The following HDAC9 variants were observed in gnomAD, a reference collection of about 807,000 sequenced individuals.
The protein encoded by HDAC9 is histone deacetylase 9, also known as MEF-2 interacting transcription repressor (MITR) protein.
Under a neutral mutation model 139.4 loss-of-function variants are expected in HDAC9, and 41 were observed. The observed-to-expected ratio is 0.29, with a 90% CI of 0.23 to 0.38. The LOEUF is 0.38. Ranked by LOEUF, HDAC9 falls within the 10% of genes least tolerant of loss-of-function variation. The probability of loss-of-function intolerance (pLI) is 1.00; values close to 1 mark genes in which losing one functional copy is unlikely to be tolerated. For synonymous variants in HDAC9, 517 were observed against 476.2 expected (o/e 1.09, Z -1.12); for missense variants, 1,147 against 1,297.0 (o/e 0.88, Z 1.78).
intron 1 of HDAC9, among the ~76,000 whole-genome samples, chr7:18,448,954 A>T (rs1792547901): frequency 6.6e-6 from 1 of 152,130 alleles, no homozygotes; most frequent in South Asian, 2.1e-4. Context: ...TGTCAGAGGA[A>T]TAAGAAAAGC....
At chr7:18,267,187 A>G (rs1251728604) in intron 2 of HDAC9, among the ~76,000 whole-genome samples, 1 of 152,094 alleles carries the variant, frequency 6.6e-6, no homozygotes, top group Non-Finnish European at 1.5e-5. Flanking sequence ...ATTTATTTTA[A>G]TTGACTTTAT....
intron 22 of HDAC9, among the ~76,000 whole-genome samples, chr7:18,879,083 C>G (rs1330923816): frequency 6.6e-6 from 1 of 152,032 alleles, no homozygotes; most frequent in Non-Finnish European, 1.5e-5. Context: ...AATAAAACAC[C>G]TAGGAATACA....
Position 18,732,729 on chromosome 7 carries a change from A to G in HDAC9, c.1909+4972A>G, listed in dbSNP as rs545088880. 2.7e-4 allele frequency among the ~76,000 whole-genome samples: 18 copies of G among 66,334 alleles called. 1 individual carries two copies. The highest frequency in any genetic ancestry group is 7.1e-4 in the African/African-American group (8 of 11,242). 43.5% of individuals were successfully genotyped at this position (66,334 alleles called of 152,430 possible). ...TGTGTGCGTATGTGTACACACACAC[A>G]CGTGTATGTGTGCGTATGTGTACAC... On this transcript the variant is annotated intron_variant, in intron 13 of 25. Transcript: ENST00000686413.
At chr7:18,672,513 A>T (rs1007669843) in intron 12 of HDAC9, among the ~76,000 whole-genome samples, 1 of 151,534 alleles carries the variant, frequency 6.6e-6, no homozygotes, top group African/African-American at 2.4e-5. Context: ...TTTTCTTTTC[A>T]TTTTCTTAAG....
intron 2 of HDAC9, among the ~76,000 whole-genome samples, chr7:18,247,252 A>G (rs1365002403): frequency 6.6e-6 from 1 of 152,024 alleles, no homozygotes; most frequent in African/African-American, 2.4e-5. Context: ...AATGGGGGAA[A>G]TCGCTGAGGG....
chr7:18,655,971 A>C (rs1395736057), intron 11 of HDAC9, among the ~76,000 whole-genome samples: 1 of 152,118 alleles, frequency 6.6e-6, no homozygotes, highest in Non-Finnish European at 1.5e-5. Flanking sequence ...AGAATGAAAA[A>C]ATTAGGTCTT....
chr7:18,164,067 T>G (rs1418095375), intron 2 of HDAC9, among the ~76,000 whole-genome samples: 1 of 152,186 alleles, frequency 6.6e-6, no homozygotes, highest in East Asian at 1.9e-4. Context: ...TCACCAAAAT[T>G]TCCTCGTGTA....
intron 1 of HDAC9, among the ~76,000 whole-genome samples, chr7:18,370,199 T>A (rs1784490793): frequency 1.3e-5 from 2 of 152,152 alleles, no homozygotes; most frequent in South Asian, 2.1e-4. Flanking sequence ...GGTTACCTTC[T>A]CCCTGTACTC....
At chr7:18,770,581 G>A (rs959563954) in intron 16 of HDAC9, among the ~76,000 whole-genome samples, 3 of 152,140 alleles carry the variant, frequency 2.0e-5, no homozygotes, top group Non-Finnish European at 4.4e-5. Flanking sequence ...AGGCTTTTAT[G>A]ATAATGTCGT....
At chr7:18,232,163 A>G (rs1285846276) in intron 2 of HDAC9, among the ~76,000 whole-genome samples, 1 of 152,140 alleles carries the variant, frequency 6.6e-6, no homozygotes, top group Admixed American at 6.5e-5. Context: ...TAACTGCCCT[A>G]GCTGGGGTCG....
At chr7:18,344,737 C>T (rs897629726) in intron 1 of HDAC9, among the ~76,000 whole-genome samples, 2 of 151,856 alleles carry the variant, frequency 1.3e-5, no homozygotes, top group Admixed American at 1.3e-4. Flanking sequence ...TGGCATTATT[C>T]CAAGGGCACA....
chr7:18,867,653 TA>T (rs67576385), intron 21 of HDAC9, among the ~76,000 whole-genome samples: 2,049 of 152,258 alleles, frequency 0.013, 16 homozygotes, highest in African/African-American at 0.021. Context: ...GTGTATTTTT[TA>T]AAAAAATACG....
chr7:18,701,887 T>C (rs1783518900), intron 12 of HDAC9, among the ~76,000 whole-genome samples: 1 of 152,244 alleles, frequency 6.6e-6, no homozygotes, highest in African/African-American at 2.4e-5. Flanking sequence ...GCTCTATTAA[T>C]TACTGTTTAA....
chr7:18,375,603 T>G (rs1784937672), intron 1 of HDAC9, among the ~76,000 whole-genome samples: 1 of 152,218 alleles, frequency 6.6e-6, no homozygotes, highest in African/African-American at 2.4e-5. Context: ...GATGGTACCC[T>G]GCACACTGGC....
chr7:18,233,681 G>C (rs975027936), intron 2 of HDAC9, among the ~76,000 whole-genome samples: 1 of 152,094 alleles, frequency 6.6e-6, no homozygotes, highest in Admixed American at 6.6e-5. Flanking sequence ...TAGCCTGTAG[G>C]GGAACGGAGC....
chr7:18,816,200 C>A (rs1168328004), intron 17 of HDAC9, among the ~76,000 whole-genome samples: 1 of 152,212 alleles, frequency 6.6e-6, no homozygotes, highest in Admixed American at 6.5e-5. Context: ...GGCAAAACAA[C>A]TATCTACAAT....
intron 12 of HDAC9, among the ~76,000 whole-genome samples, chr7:18,712,988 A>G (rs1784451015): frequency 6.6e-6 from 1 of 152,198 alleles, no homozygotes; most frequent in Non-Finnish European, 1.5e-5. Flanking sequence ...TCTTAAACCA[A>G]ATTGTTAAGC....
chr7:18,708,184 C>T (rs1243955215), intron 12 of HDAC9, among the ~76,000 whole-genome samples: 3 of 151,954 alleles, frequency 2.0e-5, no homozygotes, highest in Admixed American at 6.6e-5. Context: ...TGTTTGTTGG[C>T]GTCTATTTCC....
intron 1 of HDAC9, among the ~76,000 whole-genome samples, chr7:18,120,888 G>A (rs143418751): frequency 2.6e-5 from 4 of 152,266 alleles, no homozygotes; most frequent in East Asian, 1.9e-4. Flanking sequence ...TTGAGAAATC[G>A]AAGACTCTTT....
Sources: allele counts gnomAD v4.1 joint callset (sites outside exome capture counted in the v4.1 genomes callset), GRCh38; gene constraint gnomAD v4.1.1; transcripts MANE v1.5; gene names NCBI Gene and HGNC (gene_info 2026-07-23, HGNC 2026-07-21).